Variants in STXBP6 observed in about 807,000 individuals in gnomAD.
STXBP6 encodes syntaxin-binding protein 6.
In STXBP6, 21 loss-of-function variants were observed where a neutral mutation model predicts 26.9. The observed-to-expected ratio is 0.78, with a 90% CI of 0.55 to 1.12. The LOEUF (loss-of-function observed/expected upper bound fraction) is 1.12, where lower values mean the gene tolerates loss of function less well. Ranked by LOEUF, STXBP6 falls within the 50% of genes most tolerant of loss-of-function variation. The pLI is 0.00. For missense variants in STXBP6, 232 were observed against 257.9 expected (o/e 0.90, Z 0.69); for synonymous variants, 97 against 92.6 (o/e 1.05, Z -0.27).
chr14:24,908,547 A>T (rs2071460544), intron 2 of STXBP6, among the ~76,000 whole-genome samples: 1 of 152,124 alleles, frequency 6.6e-6, no homozygotes, highest in Non-Finnish European at 1.5e-5. Context: ...TTTCTTCTCC[A>T]CGTCCACTGT....
At chr14:24,831,051 C>T (rs1386833439) in intron 4 of STXBP6, among the ~76,000 whole-genome samples, 2 of 152,142 alleles carry the variant, frequency 1.3e-5, no homozygotes, top group African/African-American at 4.8e-5. Flanking sequence ...ATACCATATA[C>T]AGCTTTAACT....
At chr14:24,830,635 T>C (rs772615591) in intron 4 of STXBP6, among the ~76,000 whole-genome samples, 5 of 152,188 alleles carry the variant, frequency 3.3e-5, no homozygotes, top group African/African-American at 1.2e-4. Context: ...AAGTTGTCTA[T>C]GAGACATCCA....
At chr14:24,984,052 T>C (rs1451305638) in intron 1 of STXBP6, among the ~76,000 whole-genome samples, 1 of 152,150 alleles carries the variant, frequency 6.6e-6, no homozygotes. Context: ...GCCAACATGA[T>C]GAAACCCTGT....
intron 2 of STXBP6, among the ~76,000 whole-genome samples, chr14:24,934,081 A>G (rs374186351): frequency 2.6e-5 from 4 of 152,160 alleles, no homozygotes; most frequent in African/African-American, 9.7e-5. Flanking sequence ...TTCAAAGATG[A>G]TCCCACAAAA....
intron 2 of STXBP6, among the ~76,000 whole-genome samples, chr14:24,945,166 T>TTTTTTTTTTTTTG (rs1491578209): frequency 1.4e-5 from 2 of 143,860 alleles, no homozygotes; most frequent in East Asian, 2.1e-4. Flanking sequence ...TTTTTTTTTT[T>TTTTTTTTTTTTTG]AGCAGATTCC....
At chr14:24,909,825 ACT>A (rs569289430) in intron 2 of STXBP6, among the ~76,000 whole-genome samples, 50 of 151,080 alleles carry the variant, frequency 3.3e-4, no homozygotes, top group Admixed American at 1.4e-3. Flanking sequence ...ACAGAGAAAG[ACT>A]CTGTCAAAAA....
intron 2 of STXBP6, among the ~76,000 whole-genome samples, chr14:24,952,888 AT>A (rs1282412374): frequency 1.3e-5 from 2 of 152,220 alleles, no homozygotes; most frequent in African/African-American, 4.8e-5. Flanking sequence ...AGAGTAAGAT[AT>A]CCCCAACCAT....
chr14:24,996,768 T>C (rs1392859478), intron 1 of STXBP6, among the ~76,000 whole-genome samples: 1 of 147,240 alleles, frequency 6.8e-6, no homozygotes, highest in African/African-American at 2.5e-5. Flanking sequence ...GGCAGGAGAA[T>C]CGCTTGAACC....
intron 2 of STXBP6, among the ~76,000 whole-genome samples, chr14:24,951,409 C>T (rs1053218892): frequency 1.3e-5 from 2 of 152,154 alleles, no homozygotes; most frequent in East Asian, 1.9e-4. Flanking sequence ...TTTTAATGAG[C>T]GTCATTCTAA....
chr14:25,038,015 C>T (rs762492962), intron 1 of STXBP6, among the ~76,000 whole-genome samples: 3 of 152,106 alleles, frequency 2.0e-5, no homozygotes, highest in Non-Finnish European at 4.4e-5. Context: ...CTACAGATTT[C>T]AAGACTTTTT....
intron 1 of STXBP6, among the ~76,000 whole-genome samples, chr14:24,983,407 G>A (rs907147222): frequency 2.6e-5 from 4 of 152,084 alleles, no homozygotes; most frequent in African/African-American, 9.7e-5. Context: ...TTCAAATACA[G>A]GCAAAAGCCA....
Position 24,964,176 on chromosome 14 carries a change from G to C in STXBP6, c.154+10489C>G, listed in dbSNP as rs1453803271. On this transcript the variant is annotated intron_variant, in intron 2 of 5. Transcript: ENST00000323944. ...AAGGATGCTGTGATCAAAGCACTGG[G>C]AACAGAAAGGAGGTACCTACAACAG... Among the ~76,000 whole-genome samples, 2 of 151,906 alleles carry C rather than the reference G, an allele frequency of 1.3e-5. 1 individual carries two copies. Among genetic ancestry groups the C allele is most frequent in the South Asian group, 4.2e-4 (2 of 4,786 alleles).
chr14:24,814,193 G>A (rs1292198488), intron 5 of STXBP6, among the ~76,000 whole-genome samples: 2 of 152,184 alleles, frequency 1.3e-5, no homozygotes, highest in Non-Finnish European at 2.9e-5. Flanking sequence ...AAGGACTCCT[G>A]ACCTCAAGGA....
chr14:25,038,139 A>G (rs552519170), intron 1 of STXBP6, among the ~76,000 whole-genome samples: 1 of 152,294 alleles, frequency 6.6e-6, no homozygotes, highest in Admixed American at 6.5e-5. Flanking sequence ...TAAACTTCAA[A>G]TGGTGATAAG....
chr14:24,917,041 G>C (rs2071793413), intron 2 of STXBP6, among the ~76,000 whole-genome samples: 1 of 152,026 alleles, frequency 6.6e-6, no homozygotes, highest in South Asian at 2.1e-4. Context: ...AGAAACAGCT[G>C]AGAAAAGTCT....
intron 2 of STXBP6, among the ~76,000 whole-genome samples, chr14:24,950,474 T>C (rs1212011408): frequency 6.6e-6 from 1 of 152,204 alleles, no homozygotes; most frequent in East Asian, 1.9e-4. Flanking sequence ...TATGTTTTTA[T>C]GATAGAATCC....
chr14:25,002,885 C>T (rs940699460), intron 1 of STXBP6, among the ~76,000 whole-genome samples: 1 of 151,864 alleles, frequency 6.6e-6, no homozygotes, highest in Non-Finnish European at 1.5e-5. Flanking sequence ...TGCCACCACG[C>T]CCAGCTAATT....
In STXBP6 at chr14:25,039,960, C is replaced by T. The variant is rs535243577; in HGVS notation, c.-33+9918G>A. Among the ~76,000 whole-genome samples the T allele has an allele frequency of 8.5e-5, 13 of 152,208 alleles. No homozygotes were observed. The South Asian group carries it at 1.9e-3, about 22-fold the overall frequency. ...TTGCCCTCAAGTGATCCGCCTGCCT[C>T]GGCCTCCCAAAGTGCTAGGATTACA... On this transcript the variant is annotated intron_variant, in intron 1 of 5. Coordinates refer to ENST00000323944, the MANE Select transcript of STXBP6 (RefSeq NM_001394410.1).
intron 1 of STXBP6, among the ~76,000 whole-genome samples, chr14:25,025,445 T>C (rs2075333114): frequency 6.6e-6 from 1 of 152,150 alleles, no homozygotes. Flanking sequence ...GACAGTCTAA[T>C]CAATGGGCAA....
Sources: gnomAD v4.1 joint callset for allele counts (sites outside exome capture counted in the v4.1 genomes callset) on GRCh38, gnomAD v4.1.1 for gene constraint, MANE v1.5 for transcripts, NCBI Gene and HGNC (gene_info 2026-07-23, HGNC 2026-07-21) for gene names.